ATRX: variants seen among roughly 807,000 people sequenced by gnomAD.
ATRX encodes the protein chromatin remodeler ATRX.
Under a neutral mutation model 172.6 loss-of-function variants are expected in ATRX, and 12 were observed. The ratio of observed to expected loss-of-function variants is 0.07; its 90% CI spans 0.04 to 0.11. The LOEUF (loss-of-function observed/expected upper bound fraction) is 0.11, where lower values mean the gene tolerates loss of function less well. ATRX is among the 10% of genes least tolerant of loss of function. ATRX has a pLI of 1.00. For synonymous variants in ATRX, 674 were observed against 594.7 expected (o/e 1.13, Z -1.94); for missense variants, 1,368 against 1,767.4 (o/e 0.77, Z 4.05).
intron 13 of ATRX, among the ~76,000 whole-genome samples, 173 bp downstream of exon 13, chrX:77,656,387 C>T (rs1256892137): frequency 2.7e-5 from 3 of 111,888 alleles, no homozygotes; most frequent in African/African-American, 9.7e-5. Flanking sequence ...TTCAACTACA[C>T]ATAAAATATG....
At chrX:77,712,274 G>A (rs1218088419) in intron 2 of ATRX, among the ~76,000 whole-genome samples, 2 of 111,955 alleles carry the variant, frequency 1.8e-5, no homozygotes, top group Non-Finnish European at 3.8e-5. Flanking sequence ...CTACTTTGTT[G>A]ATATCTAGCC....
chrX:77,687,859 T>C (rs1253953077), intron 7 of ATRX, among the ~76,000 whole-genome samples: 4 of 112,142 alleles, frequency 3.6e-5, no homozygotes, highest in African/African-American at 1.3e-4. Context: ...AAGGCAGCTT[T>C]TTATTGGGAA....
chrX:77,681,637 CAGA>C lies in ATRX; in HGVS notation c.3616_3618del (p.Ser1206del), dbSNP rs782162142. 5 of 1,204,110 alleles carry C rather than the reference CAGA, an allele frequency of 4.2e-6. No homozygotes were observed. The South Asian group carries it at 5.4e-5, about 13-fold the overall frequency. On this transcript the variant is annotated inframe_deletion, in exon 9 of 35. Coordinates refer to ENST00000373344, the MANE Select transcript of ATRX (RefSeq NM_000489.6). ...GAATTCTGATCATCATCTTCTATAT[CAGA>C]AGAAGATGAGGATGTAATGTCAGCT...
At chrX:77,599,869 A>C in intron 23 of ATRX, 49 bp from the exon 24 acceptor site, 1 of 972,241 alleles carries the variant, frequency 1.0e-6, no homozygotes, top group East Asian at 3.1e-5. Context: ...CTCAACTTAC[A>C]CTGGAAATTA....
At chrX:77,612,624 C>G (rs188193393) in intron 22 of ATRX, among the ~76,000 whole-genome samples, 25 of 111,606 alleles carry the variant, frequency 2.2e-4, no homozygotes, top group African/African-American at 8.1e-4. Flanking sequence ...GTTTTAACTA[C>G]CTTTTAAGTA....
rs782594803 is a variant in ATRX at position 77,536,338 on chromosome X, T to C, written c.6700-12937A>G. Among the ~76,000 whole-genome samples the C allele has an allele frequency of 8.0e-5, 9 of 112,081 alleles. No individual in the cohort carries two copies. The South Asian group carries it at 3.3e-3, about 42-fold the overall frequency. ...TCAAAATCTCTCTTGCAATTTATAT[T>C]CCTTTAAGGGTCCAAAATAATAAAT... On this transcript the variant is annotated intron_variant, in intron 30 of 34. Transcript: ENST00000373344.
At chrX:77,585,579 C>T (rs1374103710) in intron 27 of ATRX, among the ~76,000 whole-genome samples, 6 of 19,917 alleles carry the variant, frequency 3.0e-4, no homozygotes, top group African/African-American at 7.3e-4. Flanking sequence ...TTGTCTCCCC[C>T]CACCAAAAAA....
intron 15 of ATRX, among the ~76,000 whole-genome samples, chrX:77,637,425 C>T (rs966794921): frequency 3.6e-5 from 4 of 110,786 alleles, no homozygotes; most frequent in Non-Finnish European, 5.7e-5. Flanking sequence ...ACAAGTATTA[C>T]CATTTGACAG....
chrX:77,589,923 G>C lies in ATRX; in HGVS notation c.6128C>G (p.Ser2043Cys), dbSNP rs2148090710. 1 of 1,208,012 alleles carries C rather than the reference G, an allele frequency of 8.3e-7. No individual in the cohort carries two copies. The highest frequency in any genetic ancestry group is 1.1e-6 in the Non-Finnish European group (1 of 892,819). Reference protein sequence around the residue: ...IGDKVLVFSQSLISLDLIEDF... With the variant: ...IGDKVLVFSQCLISLDLIEDF... Reference sequence around the variant, plus strand: ...TTCAATCAAGTCCAGAGATATGAGGGACTGGCTGAAAACAAGGCTAAAAAA... The same window carrying C: ...TTCAATCAAGTCCAGAGATATGAGGCACTGGCTGAAAACAAGGCTAAAAAA... The change falls in exon 27 of 35, where the codon TCC becomes TGC. Residue 2043 changes from serine to cysteine, a missense_variant. Ser to Cys is a moderately radical substitution (Grantham distance 112, BLOSUM62 -1). Transcript: ENST00000373344.
intron 12 of ATRX, among the ~76,000 whole-genome samples, chrX:77,658,440 G>GGA: frequency 8.9e-6 from 1 of 112,189 alleles, no homozygotes; most frequent in East Asian, 2.8e-4. Flanking sequence ...AGTAGATTAA[G>GGA]GAGACATTAT....
chrX:77,681,379 TAATAAAC>T, intron 9 of ATRX, 134 bp downstream of exon 9: 1 of 578,531 alleles, frequency 1.7e-6, no homozygotes, highest in Admixed American at 3.7e-5. Context: ...AAACTTTTTT[TAATAAAC>T]TCCTAAATAA....
intron 1 of ATRX, among the ~76,000 whole-genome samples, chrX:77,756,860 A>G (rs2075519757): frequency 9.1e-6 from 1 of 109,460 alleles, no homozygotes; most frequent in Non-Finnish European, 1.9e-5. Flanking sequence ...AAATCGGCTC[A>G]CTGCAACCAC....
intron 2 of ATRX, among the ~76,000 whole-genome samples, chrX:77,701,998 A>G (rs1357123958): frequency 1.8e-5 from 2 of 111,220 alleles, no homozygotes; most frequent in Non-Finnish European, 3.8e-5. Flanking sequence ...CCCAGGGGGT[A>G]GAGGTTGCAG....
Position 77,520,757 on chromosome X carries a change from C to A in ATRX, c.7200+31G>T, listed in dbSNP as rs375582600. 19 of 1,196,263 alleles carry A rather than the reference C, an allele frequency of 1.6e-5. No homozygotes were observed. In the African/African-American group the frequency reaches 3.3e-4, roughly 21 times the overall value. On this transcript the variant is annotated intron_variant, in intron 34 of 34. Transcript: ENST00000373344. ...ATAAAGTCAAGAAAATTAAACATAA[C>A]CTAGAAATAGTCAGACGTCAGAATT... is the stretch of plus-strand genomic sequence containing the variant.
chrX:77,756,394 T>A (rs1179732528), intron 1 of ATRX, among the ~76,000 whole-genome samples: 4 of 107,151 alleles, frequency 3.7e-5, no homozygotes, highest in African/African-American at 1.4e-4. Flanking sequence ...CACTGGGGTA[T>A]GAAGAGGGGG....
At chrX:77,739,446 TTTAA>T (rs1461652770) in intron 1 of ATRX, among the ~76,000 whole-genome samples, 3 of 109,561 alleles carry the variant, frequency 2.7e-5, no homozygotes, top group East Asian at 2.8e-4. Context: ...TTTGCAATTA[TTTAA>T]TTTTTAAATA....
chrX:77,620,941 T>C (rs2067554232), intron 19 of ATRX, among the ~76,000 whole-genome samples: 2 of 112,288 alleles, frequency 1.8e-5, no homozygotes, highest in African/African-American at 6.5e-5. Flanking sequence ...GCAATGTATA[T>C]ATACATGAAA....
intron 2 of ATRX, among the ~76,000 whole-genome samples, chrX:77,716,821 TCTAATA>T (rs1263904779): frequency 1.8e-5 from 2 of 112,071 alleles, no homozygotes; most frequent in African/African-American, 6.5e-5. Context: ...TCCTGCCTCT[TCTAATA>T]CTATTTTTTC....
intron 28 of ATRX, among the ~76,000 whole-genome samples, chrX:77,568,352 T>C (rs1162014972): frequency 9.0e-6 from 1 of 111,334 alleles, no homozygotes; most frequent in Non-Finnish European, 1.9e-5. Context: ...CTATGAACAA[T>C]TCTACACATA....
Sources: allele counts gnomAD v4.1 joint callset (sites outside exome capture counted in the v4.1 genomes callset), GRCh38; gene constraint gnomAD v4.1.1; transcripts MANE v1.5; gene names NCBI Gene and HGNC (gene_info 2026-07-23, HGNC 2026-07-21).